The following ADAM12 variants were observed in gnomAD, a reference collection of about 807,000 sequenced individuals.
ADAM12 encodes the protein disintegrin and metalloproteinase domain-containing protein 12.
Under a neutral mutation model 106.4 loss-of-function variants are expected in ADAM12, and 70 were observed. That is an observed-to-expected ratio of 0.66 (90% confidence interval 0.54 to 0.80). The LOEUF (loss-of-function observed/expected upper bound fraction) is 0.80, where lower values mean the gene tolerates loss of function less well. Among genes scored for constraint, ADAM12 ranks in the 30% least tolerant of loss-of-function variants. The pLI, the probability that ADAM12 is intolerant of heterozygous loss-of-function variation, is 0.00. For missense variants in ADAM12, 1,010 were observed against 1,171.9 expected (o/e 0.86, Z 2.02); for synonymous variants, 420 against 433.5 (o/e 0.97, Z 0.39).
At chr10:126,341,951 C>A (rs1465626904) in intron 1 of ADAM12, among the ~76,000 whole-genome samples, 1 of 152,206 alleles carries the variant, frequency 6.6e-6, no homozygotes, top group Non-Finnish European at 1.5e-5. Flanking sequence ...GAAAAATGCA[C>A]TTTGACTTCT....
intron 4 of ADAM12, among the ~76,000 whole-genome samples, chr10:126,137,290 G>C (rs1351183771): frequency 6.6e-6 from 1 of 152,086 alleles, no homozygotes; most frequent in Non-Finnish European, 1.5e-5. Flanking sequence ...ACATCCATTT[G>C]TCTGTTTCTG....
chr10:126,074,446 C>A (rs1955059406), intron 11 of ADAM12, among the ~76,000 whole-genome samples: 1 of 152,136 alleles, frequency 6.6e-6, no homozygotes, highest in Non-Finnish European at 1.5e-5. Context: ...GTTTCCCATC[C>A]AAATAGGATG....
chr10:126,217,883 G>A (rs1041140974), intron 3 of ADAM12, among the ~76,000 whole-genome samples: 2 of 151,474 alleles, frequency 1.3e-5, no homozygotes, highest in Admixed American at 6.6e-5. Flanking sequence ...GCTGAGGCAG[G>A]AGAATTGCTT....
intron 1 of ADAM12, among the ~76,000 whole-genome samples, chr10:126,354,564 T>C (rs10794079): frequency 0.37 from 55,573 of 152,048 alleles, 10,289 homozygotes; most frequent in South Asian, 0.42. Context: ...TTACTGACAA[T>C]TGTACATGCA....
At chr10:126,277,900 A>AT (rs1312229381) in intron 3 of ADAM12, among the ~76,000 whole-genome samples, 5 of 152,172 alleles carry the variant, frequency 3.3e-5, no homozygotes, top group African/African-American at 1.2e-4. Flanking sequence ...CTGGCTGTTG[A>AT]TTGACTGTCT....
rs530910773 is a variant in ADAM12 at position 126,126,551 on chromosome 10, G to C, written c.417-8327C>G. Among the ~76,000 whole-genome samples, 3 of 123,812 alleles carry C rather than the reference G, an allele frequency of 2.4e-5. No individual in the cohort carries two copies. In the Admixed American group the frequency reaches 2.6e-4, roughly 11 times the overall value. The allele number at this position is 123,812 out of a possible 152,430, so 81.2% of individuals were successfully genotyped here. A position where few individuals can be genotyped will look rare whatever the true frequency, so the allele number is the denominator to read the frequency against. On this transcript the variant is annotated intron_variant, in intron 5 of 22. Transcript: ENST00000448723. Reference sequence around the variant, plus strand: ...ATTGAACAAGCATAAGACTGAACTAGAGGCTTTGACAAGTAAGCCATGGAG... The same window carrying C: ...ATTGAACAAGCATAAGACTGAACTACAGGCTTTGACAAGTAAGCCATGGAG...
chr10:126,197,434 G>A (rs1363385266), intron 3 of ADAM12, among the ~76,000 whole-genome samples: 4 of 152,216 alleles, frequency 2.6e-5, no homozygotes, highest in Admixed American at 6.5e-5. Context: ...TGGAGGCTGT[G>A]CACCACAGGA....
chr10:126,339,048 C>G (rs1041134569), intron 1 of ADAM12, among the ~76,000 whole-genome samples: 1 of 152,194 alleles, frequency 6.6e-6, no homozygotes, highest in Non-Finnish European at 1.5e-5. Flanking sequence ...TTGGGCAGCA[C>G]TCTGTGATTC....
intron 1 of ADAM12, among the ~76,000 whole-genome samples, chr10:126,362,282 G>A (rs549807639): frequency 3.3e-5 from 5 of 152,174 alleles, no homozygotes; most frequent in African/African-American, 9.6e-5. Context: ...AAAGACAAAA[G>A]ATAACGAATG....
At position 126,017,103 on chromosome 10, in the gene ADAM12, C is replaced by T. The variant is rs1953673875; in HGVS notation, c.*176G>A. 7.1e-6 allele frequency: 4 copies of T among 562,332 alleles called. No homozygotes were observed. The African/African-American group carries it at 7.6e-5, about 11-fold the overall frequency. 34.8% of individuals were successfully genotyped at this position (562,332 alleles called of 1,614,324 possible). On this transcript the variant is annotated 3_prime_UTR_variant, in exon 23 of 23. Coordinates refer to ENST00000448723, the MANE Select transcript of ADAM12 (RefSeq NM_001288973.2). Reference sequence around the variant, plus strand: ...AATTAATAATTTACAAGTACCTGAGCAAGTAGACAGAGCACCATAGCACAG... The same window carrying T: ...AATTAATAATTTACAAGTACCTGAGTAAGTAGACAGAGCACCATAGCACAG...
intron 2 of ADAM12, among the ~76,000 whole-genome samples, chr10:126,291,989 TC>T (rs1183491490): frequency 7.1e-6 from 1 of 141,064 alleles, no homozygotes; most frequent in African/African-American, 2.7e-5. Context: ...TTTTTTTTTT[TC>T]CCGTTGAAAC....
Position 126,338,144 on chromosome 10 carries a change from T to C in ADAM12, c.89-7635A>G, listed in dbSNP as rs530373284. Among the ~76,000 whole-genome samples, 31 of 152,080 alleles carry C rather than the reference T, an allele frequency of 2.0e-4. 1 individual carries two copies. The highest frequency in any genetic ancestry group is 4.1e-4 in the African/African-American group (17 of 41,482). ...TCTCATAAATGTCTAAATAGATTCA[T>C]ACCCCAAGCACGAGCTGTCTCTACT... On this transcript the variant is annotated intron_variant, in intron 1 of 22. Coordinates refer to ENST00000448723, the MANE Select transcript of ADAM12 (RefSeq NM_001288973.2).
intron 20 of ADAM12, among the ~76,000 whole-genome samples, chr10:126,036,961 CACA>C (rs1257683735): frequency 1.3e-5 from 2 of 152,160 alleles, no homozygotes; most frequent in African/African-American, 4.8e-5. Context: ...ATGAAACCCT[CACA>C]ACAAACAAGT....
chr10:126,099,389 T>C (rs1486136766), intron 9 of ADAM12, among the ~76,000 whole-genome samples: 11 of 139,774 alleles, frequency 7.9e-5, no homozygotes, highest in South Asian at 5.3e-4. Context: ...TCCCTCCCTC[T>C]CTCCCTCCCT....
intron 4 of ADAM12, among the ~76,000 whole-genome samples, chr10:126,151,535 G>A (rs923657317): frequency 4.6e-5 from 7 of 152,022 alleles, no homozygotes; most frequent in East Asian, 1.9e-4. Context: ...TTGCAACTAC[G>A]TCCATAATTG....
intron 1 of ADAM12, among the ~76,000 whole-genome samples, chr10:126,345,080 G>A (rs1855085076): frequency 6.6e-6 from 1 of 152,308 alleles, no homozygotes; most frequent in South Asian, 2.1e-4. Flanking sequence ...AGTGGTGAGA[G>A]AGGGCATCCC....
intron 2 of ADAM12, among the ~76,000 whole-genome samples, chr10:126,293,263 T>A (rs927834688): frequency 1.3e-5 from 2 of 152,190 alleles, no homozygotes; most frequent in African/African-American, 4.8e-5. Flanking sequence ...AACCCTTGGT[T>A]TCTACTTCAA....
chr10:126,210,177 T>C (rs554564014), intron 3 of ADAM12, among the ~76,000 whole-genome samples: 1 of 152,286 alleles, frequency 6.6e-6, no homozygotes, highest in East Asian at 1.9e-4. Flanking sequence ...CTTCCTTTCA[T>C]CTCTGCGTGG....
chr10:126,255,420 C>A (rs973333601), intron 3 of ADAM12, among the ~76,000 whole-genome samples: 2 of 152,172 alleles, frequency 1.3e-5, no homozygotes, highest in East Asian at 3.9e-4. Context: ...TTCCTCCCCA[C>A]GGCTCCACCT....
Sources: allele counts gnomAD v4.1 joint callset (sites outside exome capture counted in the v4.1 genomes callset), GRCh38; gene constraint gnomAD v4.1.1; transcripts MANE v1.5; gene names NCBI Gene and HGNC (gene_info 2026-07-23, HGNC 2026-07-21).